NPR1: variants seen among roughly 807,000 people sequenced by gnomAD.
NPR1 encodes the protein natriuretic peptide receptor 1, also known as atrial natriuretic peptide receptor 1.
Under a neutral mutation model 116.9 loss-of-function variants are expected in NPR1, and 57 were observed. That is an observed-to-expected ratio of 0.49 (90% confidence interval 0.39 to 0.61). The LOEUF is 0.61. Among genes scored for constraint, NPR1 ranks in the 20% least tolerant of loss-of-function variants. NPR1 has a pLI of 0.00. For synonymous variants in NPR1, 555 were observed against 601.6 expected, an observed-to-expected ratio of 0.92 and a Z score of 1.13; for missense variants, 1,096 against 1,409.8, an observed-to-expected ratio of 0.78 and a Z score of 3.56.
chr1:153,688,736 T>C, intron 15 of NPR1: 1 of 592,800 alleles, frequency 1.7e-6, no homozygotes, highest in Non-Finnish European at 3.0e-6. Flanking sequence ...AATGTCCATA[T>C]GTCTGAAGCT....
chr1:153,679,236 T>A lies in NPR1; in HGVS notation c.128T>A (p.Leu43Gln). Residue 43 changes from leucine to glutamine, a missense_variant, in exon 1 of 22, where the codon CTG becomes CAG. By Grantham distance (113) the Leu-to-Gln change is moderately radical. Coordinates refer to ENST00000368680, the MANE Select transcript of NPR1 (RefSeq NM_000906.4). This position sits in a 1 kb window ranked among gnomAD's most constrained non-coding sequence, Gnocchi z 4.2. Reference protein sequence around the residue: ...GNLTVAVVLPLANTSYPWSWA... With the variant: ...GNLTVAVVLPQANTSYPWSWA... Reference sequence around the variant, plus strand: ...CTGACGGTAGCCGTGGTACTGCCGCTGGCCAATACCTCGTACCCCTGGTCG... The same window carrying A: ...CTGACGGTAGCCGTGGTACTGCCGCAGGCCAATACCTCGTACCCCTGGTCG... The A allele has an allele frequency of 1.3e-6, 2 of 1,526,376 alleles. No individual in the cohort carries two copies. Among genetic ancestry groups the A allele is most frequent in the Admixed American group, 4.0e-5 (2 of 50,128 alleles). 94.6% of individuals were successfully genotyped at this position (1,526,376 alleles called of 1,614,324 possible). A position where few individuals can be genotyped will look rare whatever the true frequency, so the allele number is the denominator to read the frequency against.
At position 153,685,021 on chromosome 1, in the gene NPR1, C is replaced by G; in HGVS notation, c.1542C>G (p.Asp514Glu). 1 of 1,613,906 alleles carries G rather than the reference C, an allele frequency of 6.2e-7. No homozygotes were observed. Among genetic ancestry groups the G allele is most frequent in the Non-Finnish European group, 8.5e-7 (1 of 1,179,966 alleles). The stretch of plus-strand genomic sequence containing the variant: ...AGCTGTGGCGGGTGCGCTGGGAGGA[C>G]GTTGAGCCCAGTAGCCTTGAGAGGC... ...ASELWRVRWE[D>E]VEPSSLERHL... Residue 514 changes from aspartate to glutamate, a missense_variant, in exon 8 of 22, where the codon GAC (aspartate) becomes GAG (glutamate). By Grantham distance (45) the Asp-to-Glu change is conservative (BLOSUM62 2). Coordinates refer to ENST00000368680, the MANE Select transcript of NPR1 (RefSeq NM_000906.4).
rs556561976 is a variant in NPR1 at position 153,683,460 on chromosome 1, C to T, written c.1348C>T (p.Pro450Ser). 9.2e-5 allele frequency: 149 copies of T among 1,614,162 alleles called. 1 individual carries two copies. The South Asian group carries it at 1.4e-3, about 16-fold the overall frequency. ...GAACTGGCCCCTGGGGTACCCTCCTCCTGACATCCCCAAATGTGGCTTTGA... is the reference window on the plus strand; with the variant it reads ...GAACTGGCCCCTGGGGTACCCTCCTTCTGACATCCCCAAATGTGGCTTTGA... ...KLNWPLGYPPPDIPKCGFDNE... is the reference protein window; with the variant it reads ...KLNWPLGYPPSDIPKCGFDNE... The change falls in exon 6 of 22, where the codon CCT becomes TCT. Residue 450 changes from proline (P) to serine (S), a missense_variant. Physicochemically the swap from Pro to Ser is moderately conservative, Grantham distance 74. Transcript: ENST00000368680.
Position 153,689,985 on chromosome 1 carries a change from G to C in NPR1, c.2932+5G>C. 1 of 1,504,108 alleles carries C rather than the reference G, an allele frequency of 6.6e-7. No individual in the cohort carries two copies. Among genetic ancestry groups the C allele is most frequent in the Non-Finnish European group, 8.9e-7 (1 of 1,119,930 alleles). 93.2% of individuals were successfully genotyped at this position (1,504,108 alleles called of 1,614,324 possible). On this transcript the variant is annotated splice_donor_5th_base_variant and intron_variant, in intron 19 of 21. Transcript: ENST00000368680. The surrounding 1 kb of genome is among the most constrained non-coding windows in gnomAD (Gnocchi z 5.1). ...TGCGCATTGGCATCCACACAGGTAA[G>C]GCCACTGAAGGTGCAGGCGGGCATC...
chr1:153,681,508 T>C, intron 3 of NPR1, 196 bp from the exon 4 acceptor site: 1 of 661,008 alleles, frequency 1.5e-6, no homozygotes, highest in Non-Finnish European at 2.6e-6. Flanking sequence ...CATCCTGCCC[T>C]GTCTACCTAG....
At chr1:153,682,169 C>T (rs1669799637) in intron 4 of NPR1, among the ~76,000 whole-genome samples, 1 of 152,046 alleles carries the variant, frequency 6.6e-6, no homozygotes, top group Non-Finnish European at 1.5e-5. Flanking sequence ...ATTCTCCTGC[C>T]TCAGCCTCCT....
intron 5 of NPR1, among the ~76,000 whole-genome samples, chr1:153,682,795 G>C (rs1411601583): frequency 6.6e-6 from 1 of 152,232 alleles, no homozygotes; most frequent in Non-Finnish European, 1.5e-5. Context: ...TCACACTTGG[G>C]GAGCCCCATG....
intron 4 of NPR1, among the ~76,000 whole-genome samples, chr1:153,682,142 C>A (rs1411202292): frequency 1.3e-5 from 2 of 152,032 alleles, no homozygotes; most frequent in East Asian, 3.9e-4. Flanking sequence ...TCAACCTCCG[C>A]CTCCCAGGTT....
chr1:153,686,229 G>T (rs551636041), intron 10 of NPR1, 29 bp downstream of exon 10: 1 of 1,604,184 alleles, frequency 6.2e-7, no homozygotes, highest in East Asian at 2.2e-5. Flanking sequence ...CAGTGGCATG[G>T]AGAAGGGGCC....
chr1:153,683,926 G>A lies in NPR1; in HGVS notation c.1484+102G>A. ...GAGGGAAGAGGGCAGGGGTGAAGGG[G>A]CACCAGGGGAAAACCAAGGGAGATG... On this transcript the variant is annotated intron_variant, in intron 7 of 21. Coordinates refer to ENST00000368680, the MANE Select transcript of NPR1 (RefSeq NM_000906.4). 10 of 1,003,250 alleles carry A rather than the reference G, an allele frequency of 1.0e-5. No homozygotes were observed. The South Asian group carries it at 1.2e-4, about 12-fold the overall frequency. The allele number at this position is 1,003,250 out of a possible 1,614,324, so 62.1% of individuals were successfully genotyped here.
chr1:153,688,898 C>T lies in NPR1; in HGVS notation c.2418-55C>T, dbSNP rs552819881. On this transcript the variant is annotated intron_variant, in intron 15 of 21. Transcript: ENST00000368680. ...GGAAGTGCCTAGGGGCGGGCGCTCA[C>T]GGTAGGCTGTGCTGCTCCTCTCTTA... 204 of 1,610,276 alleles carry T rather than the reference C, an allele frequency of 1.3e-4. No homozygotes were observed. The African/African-American group carries it at 1.9e-3, about 15-fold the overall frequency.
chr1:153,690,259 C>T, intron 19 of NPR1, 25 bp from the exon 20 acceptor site: 1 of 1,539,030 alleles, frequency 6.5e-7, no homozygotes, highest in South Asian at 1.2e-5. Context: ...CTGATGGGCT[C>T]TGCTCCTTCC....
At position 153,689,846 on chromosome 1, in the gene NPR1, T is replaced by G. The variant is rs752143314; in HGVS notation, c.2798T>G (p.Leu933Arg). 3 of 1,589,904 alleles carry G rather than the reference T, an allele frequency of 1.9e-6. No homozygotes were observed. The highest frequency in any genetic ancestry group is 2.6e-6 in the Non-Finnish European group (3 of 1,164,520). ...GATGCCTACATGGTGGTGTCAGGGC[T>G]CCCTGTGCGGAACGGGCGGCTACAC... Reference protein sequence around the residue: ...IGDAYMVVSGLPVRNGRLHAC... With the variant: ...IGDAYMVVSGRPVRNGRLHAC... The change falls in exon 19 of 22, where the codon CTC becomes CGC. Residue 933 changes from leucine to arginine, a missense_variant. Leu to Arg is a moderately radical substitution (Grantham distance 102). Coordinates refer to ENST00000368680, the MANE Select transcript of NPR1 (RefSeq NM_000906.4). This position sits in a 1 kb window ranked among gnomAD's most constrained non-coding sequence, Gnocchi z 5.1.
rs1214764319 is a variant in NPR1 at position 153,689,299 on chromosome 1, C to T, written c.2676C>T (p.Ser892=). Residue 892 remains serine, a synonymous_variant, in exon 17 of 22, where the codon AGC becomes AGT. Coordinates refer to ENST00000368680, the MANE Select transcript of NPR1 (RefSeq NM_000906.4). The surrounding 1 kb of genome is among the most constrained non-coding windows in gnomAD (Gnocchi z 5.1). Reference sequence around the variant, plus strand: ...GTTTCACAGCGCTGTCGGCGGAGAGCACACCCATGCAGGTAGGCCAGGGTT... The same window carrying T: ...GTTTCACAGCGCTGTCGGCGGAGAGTACACCCATGCAGGTAGGCCAGGGTT... ...IVGFTALSAE[S]TPMQVVTLLN... 19 of 1,614,218 alleles carry T rather than the reference C, an allele frequency of 1.2e-5. No individual in the cohort carries two copies. The East Asian group carries it at 3.8e-4, about 32-fold the overall frequency.
chr1:153,683,688 C>A (rs1669847442), intron 6 of NPR1, 52 bp from the exon 7 acceptor site: 1 of 1,587,186 alleles, frequency 6.3e-7, no homozygotes, highest in African/African-American at 1.3e-5. Context: ...AGTTCTTCCT[C>A]CTGCTGTCTA....
rs755350851 is a variant in NPR1 at position 153,679,860 on chromosome 1, T to A, written c.721+31T>A. 2.6e-6 allele frequency: 4 copies of A among 1,532,124 alleles called. No individual in the cohort carries two copies. In the African/African-American group the frequency reaches 4.1e-5, roughly 16 times the overall value. The allele number at this position is 1,532,124 out of a possible 1,614,324, so 94.9% of individuals were successfully genotyped here. A position where few individuals can be genotyped will look rare whatever the true frequency, so the allele number is the denominator to read the frequency against. ...ACGCTGGCACACCCCGTCCCGCCGC[T>A]TAGCCGCAGGGCCTCCCCTCTGACC... is the stretch of plus-strand genomic sequence containing the variant. On this transcript the variant is annotated intron_variant, in intron 1 of 21. Coordinates refer to ENST00000368680, the MANE Select transcript of NPR1 (RefSeq NM_000906.4). The surrounding 1 kb of genome is among the most constrained non-coding windows in gnomAD (Gnocchi z 4.2).
At chr1:153,692,566 G>A (rs1388602990) in intron 20 of NPR1, among the ~76,000 whole-genome samples, 2 of 150,552 alleles carry the variant, frequency 1.3e-5, no homozygotes, top group Non-Finnish European at 1.5e-5. Context: ...TGGATGGAGT[G>A]CAGTGGTGCA....
At chr1:153,683,158 AC>A (rs764606463) in intron 5 of NPR1, among the ~76,000 whole-genome samples, 2 of 151,848 alleles carry the variant, frequency 1.3e-5, no homozygotes, top group East Asian at 3.9e-4. Flanking sequence ...TTCTTTATAA[AC>A]CCCTTGATAG....
rs1670036080 is a variant in NPR1, at chr1:153,689,665, C to A, written c.2758-141C>A. On this transcript the variant is annotated intron_variant, in intron 18 of 21. Transcript: ENST00000368680. The surrounding 1 kb of genome is among the most constrained non-coding windows in gnomAD (Gnocchi z 5.1). Reference sequence around the variant, plus strand: ...ACAGTGACACAGGGAGACCCGGGAACAGGCAGAGAACCCATGTGGGATGGG... The same window carrying A: ...ACAGTGACACAGGGAGACCCGGGAAAAGGCAGAGAACCCATGTGGGATGGG... 1.6e-6 allele frequency: 2 copies of A among 1,212,546 alleles called. No homozygotes were observed. Among genetic ancestry groups the A allele is most frequent in the Non-Finnish European group, 2.3e-6 (2 of 855,268 alleles). The allele number at this position is 1,212,546 out of a possible 1,614,324, so 75.1% of individuals were successfully genotyped here. A position where few individuals can be genotyped will look rare whatever the true frequency, so the allele number is the denominator to read the frequency against.
Sources: gnomAD v4.1 joint callset for allele counts (sites outside exome capture counted in the v4.1 genomes callset) on GRCh38, gnomAD v4.1.1 for gene constraint, Gnocchi (gnomAD v3.1) non-coding constraint, MANE v1.5 for transcripts, NCBI Gene and HGNC (gene_info 2026-07-23, HGNC 2026-07-21) for gene names.